Variants in SND1 observed in about 807,000 individuals in gnomAD.
SND1 encodes staphylococcal nuclease domain-containing protein 1.
A neutral mutation model predicts 121.7 loss-of-function variants in SND1; 38 were observed. The ratio of observed to expected loss-of-function variants is 0.31; its 90% CI spans 0.24 to 0.41. SND1 has a LOEUF of 0.41. Ranked by LOEUF, SND1 falls within the 10% of genes least tolerant of loss-of-function variation. SND1 has a pLI of 1.00. For missense variants in SND1, 868 were observed against 1,184.6 expected (o/e 0.73, Z 3.92); for synonymous variants, 401 against 447.4 (o/e 0.90, Z 1.31).
At chr7:128,047,615 T>C (rs2117015697) in intron 16 of SND1, among the ~76,000 whole-genome samples, 1 of 152,374 alleles carries the variant, frequency 6.6e-6, no homozygotes, top group African/African-American at 2.4e-5. Flanking sequence ...TCTGCTCCTC[T>C]TTTGTGAAAG....
chr7:127,893,599 A>C (rs1463199817), intron 13 of SND1, among the ~76,000 whole-genome samples: 3 of 152,134 alleles, frequency 2.0e-5, no homozygotes, highest in African/African-American at 7.2e-5. Flanking sequence ...GTATTGAACA[A>C]CCTAGTGTCT....
chr7:127,706,475 G>A (rs942330675), intron 8 of SND1, among the ~76,000 whole-genome samples: 4 of 151,952 alleles, frequency 2.6e-5, no homozygotes, highest in Non-Finnish European at 5.9e-5. Flanking sequence ...GGCCAGGATG[G>A]TCTCGATCTC....
intron 10 of SND1, among the ~76,000 whole-genome samples, chr7:127,799,935 G>A (rs1463400572): frequency 6.6e-6 from 1 of 152,152 alleles, no homozygotes; most frequent in Non-Finnish European, 1.5e-5. Context: ...TCGGCCAGGT[G>A]GTCACAATTT....
In SND1 at chr7:128,085,155, A is replaced by C. The variant is rs1234519580; in HGVS notation, c.2234+308A>C. Among the ~76,000 whole-genome samples, 1 of 151,746 alleles carries C rather than the reference A, an allele frequency of 6.6e-6. No individual in the cohort carries two copies. Among genetic ancestry groups the C allele is most frequent in the Non-Finnish European group, 1.5e-5 (1 of 67,910 alleles). On this transcript the variant is annotated intron_variant, in intron 19 of 23. Transcript: ENST00000354725. This position sits in a 1 kb window ranked among gnomAD's most constrained non-coding sequence, Gnocchi z 4.4. ...GGCTGTCCAGCACACCCCTCACCCC[A>C]CCCAGGAAGAATGATGTTACAGGGG...
At chr7:128,048,832 C>G (rs988439904) in intron 16 of SND1, among the ~76,000 whole-genome samples, 2 of 152,182 alleles carry the variant, frequency 1.3e-5, no homozygotes, top group African/African-American at 2.4e-5. Flanking sequence ...CATCACTCCC[C>G]CATGTGTCTT....
intron 10 of SND1, among the ~76,000 whole-genome samples, chr7:127,759,867 G>T (rs191895735): frequency 6.6e-6 from 1 of 152,252 alleles, no homozygotes; most frequent in African/African-American, 2.4e-5. Flanking sequence ...TACCTTTAAT[G>T]TATTTACTGA....
chr7:127,811,397 A>G (rs1284322780), intron 11 of SND1, among the ~76,000 whole-genome samples: 1 of 152,190 alleles, frequency 6.6e-6, no homozygotes, highest in Admixed American at 6.5e-5. Context: ...AGAATTTCCA[A>G]GACTAATCTC....
intron 14 of SND1, among the ~76,000 whole-genome samples, chr7:127,922,199 T>TTTTTTTTTTTTTTTTGTTTTTTTG (rs1554443300): frequency 1.1e-5 from 1 of 93,500 alleles, no homozygotes; most frequent in African/African-American, 4.3e-5. Context: ...TTTTTTTTTT[T>TTTTTTTTTTTTTTTTGTTTTTTTG]TTTTGTTTTG....
At chr7:127,680,540 G>C (rs958591705) in intron 1 of SND1, among the ~76,000 whole-genome samples, 8 of 152,046 alleles carry the variant, frequency 5.3e-5, no homozygotes, top group Admixed American at 3.3e-4. Context: ...AAAGAATTCA[G>C]CGATATTTCT....
At chr7:127,665,696 T>G (rs1307581279) in intron 1 of SND1, among the ~76,000 whole-genome samples, 2 of 151,978 alleles carry the variant, frequency 1.3e-5, no homozygotes. Context: ...GATTTAGAGG[T>G]ATTTGTTTCC....
intron 16 of SND1, among the ~76,000 whole-genome samples, chr7:128,046,342 GT>G (rs61273056): frequency 1.0e-4 from 14 of 136,504 alleles, no homozygotes; most frequent in East Asian, 8.4e-4. Context: ...GTTTTTTTGG[GT>G]TTTTTTTTTG....
intron 12 of SND1, among the ~76,000 whole-genome samples, chr7:127,881,331 A>AT (rs1392333609): frequency 5.9e-5 from 9 of 152,160 alleles, no homozygotes; most frequent in Admixed American, 5.9e-4. Context: ...TTAAAATTAA[A>AT]TTTTTTATGC....
At chr7:127,921,380 T>A (rs1035297948) in intron 14 of SND1, among the ~76,000 whole-genome samples, 2 of 152,192 alleles carry the variant, frequency 1.3e-5, no homozygotes, top group African/African-American at 4.8e-5. Context: ...TTTTAAGTAT[T>A]TTAATACACT....
At chr7:128,088,863 G>A (rs1466842002) in intron 21 of SND1, among the ~76,000 whole-genome samples, 8 of 152,090 alleles carry the variant, frequency 5.3e-5, no homozygotes, top group Admixed American at 5.2e-4. Context: ...ACCAAGTGTA[G>A]GTGAGCTTTG....
At chr7:127,736,545 A>G (rs970528715) in intron 10 of SND1, among the ~76,000 whole-genome samples, 2 of 152,244 alleles carry the variant, frequency 1.3e-5, no homozygotes, top group Non-Finnish European at 2.9e-5. Flanking sequence ...AGTACAAAGC[A>G]TTAAACGGTC....
At chr7:127,975,317 G>A (rs923389299) in intron 15 of SND1, among the ~76,000 whole-genome samples, 1 of 152,150 alleles carries the variant, frequency 6.6e-6, no homozygotes, top group African/African-American at 2.4e-5. Context: ...AGCATTACTT[G>A]TGTTTGTATG....
intron 12 of SND1, among the ~76,000 whole-genome samples, chr7:127,883,195 A>G (rs1455304185): frequency 6.6e-6 from 1 of 152,142 alleles, no homozygotes; most frequent in Non-Finnish European, 1.5e-5. Context: ...GCAGGTTGTA[A>G]TATAAGCTCA....
intron 15 of SND1, among the ~76,000 whole-genome samples, chr7:127,988,643 G>A (rs958874239): frequency 7.9e-5 from 12 of 152,222 alleles, no homozygotes; most frequent in African/African-American, 2.7e-4. Context: ...CCAACCTGGT[G>A]AGATTTCAGA....
At chr7:127,948,999 A>G (rs535170392) in intron 15 of SND1, 3 of 152,262 alleles carry the variant, frequency 2.0e-5, no homozygotes, top group Non-Finnish European at 2.9e-5. Context: ...CACATGTGGT[A>G]TATTAAGGGT....
Sources: gnomAD v4.1 joint callset for allele counts (sites outside exome capture counted in the v4.1 genomes callset) on GRCh38, gnomAD v4.1.1 for gene constraint, Gnocchi (gnomAD v3.1) non-coding constraint, MANE v1.5 for transcripts, NCBI Gene and HGNC (gene_info 2026-07-23, HGNC 2026-07-21) for gene names.